Variants in DMD observed in about 807,000 individuals in gnomAD.
The protein encoded by DMD is dystrophin.
Under a neutral mutation model 330.1 loss-of-function variants are expected in DMD, and 63 were observed. The observed-to-expected ratio is 0.19, with a 90% CI of 0.16 to 0.24. DMD has a LOEUF of 0.24. DMD is among the 10% of genes least tolerant of loss of function. DMD has a pLI of 1.00. For missense variants in DMD, 3,344 were observed against 2,684.1 expected (o/e 1.25, Z -5.43); for synonymous variants, 1,223 against 959.8 (o/e 1.27, Z -5.07).
chrX:32,366,220 G>A (rs1457229087), intron 34 of DMD, among the ~76,000 whole-genome samples: 2 of 112,208 alleles, frequency 1.8e-5, no homozygotes, highest in Non-Finnish European at 3.8e-5. Context: ...CCCCTTTCCT[G>A]GTACATGGCA....
intron 2 of DMD, among the ~76,000 whole-genome samples, chrX:32,939,042 A>G (rs1246807343): frequency 9.1e-6 from 1 of 110,160 alleles, no homozygotes; most frequent in Admixed American, 9.8e-5. Flanking sequence ...TACGTTTTTC[A>G]TAATGTCTAC....
chrX:32,044,837 G>C (rs2096049748), intron 44 of DMD, among the ~76,000 whole-genome samples: 1 of 112,186 alleles, frequency 8.9e-6, no homozygotes, highest in Non-Finnish European at 1.9e-5. Flanking sequence ...ATTCAATAAA[G>C]AAAAATATAA....
At chrX:32,294,533 A>G (rs1300116434) in intron 42 of DMD, among the ~76,000 whole-genome samples, 5 of 112,032 alleles carry the variant, frequency 4.5e-5, no homozygotes, top group African/African-American at 1.3e-4. Flanking sequence ...ATGCTGTAGC[A>G]TTGCTCAGCA....
chrX:31,934,907 A>G (rs2094904550), intron 45 of DMD, among the ~76,000 whole-genome samples: 1 of 112,327 alleles, frequency 8.9e-6, no homozygotes, highest in Non-Finnish European at 1.9e-5. Context: ...AATTTTAATC[A>G]TTGACAATTC....
Position 31,470,760 on chromosome X carries a change from C to G in DMD, c.8937+7346G>C, listed in dbSNP as rs751403652. Among the ~76,000 whole-genome samples the G allele has an allele frequency of 2.7e-5, 3 of 112,170 alleles. No homozygotes were observed. The South Asian group carries it at 1.1e-3, about 42-fold the overall frequency. On this transcript the variant is annotated intron_variant, in intron 59 of 78. Transcript: ENST00000357033. Reference sequence around the variant, plus strand: ...GATGCTGCACCCACAGCTGCCCCTTCCCCGTGGTGCTCTGTCCCAGGGAGA... The same window carrying G: ...GATGCTGCACCCACAGCTGCCCCTTGCCCGTGGTGCTCTGTCCCAGGGAGA...
intron 7 of DMD, among the ~76,000 whole-genome samples, chrX:32,762,616 C>A (rs777177438): frequency 1.8e-5 from 2 of 110,959 alleles, no homozygotes; most frequent in South Asian, 3.8e-4. Context: ...TGAGACCTTT[C>A]GGCTCAGACT....
chrX:32,636,599 C>G (rs984319425), intron 11 of DMD, among the ~76,000 whole-genome samples: 2 of 111,668 alleles, frequency 1.8e-5, no homozygotes, highest in Non-Finnish European at 3.8e-5. Context: ...TTCAACTATC[C>G]GAGGCAACAT....
intron 1 of DMD, among the ~76,000 whole-genome samples, chrX:33,207,766 G>A (rs2051664919): frequency 8.9e-6 from 1 of 111,807 alleles, no homozygotes; most frequent in Non-Finnish European, 1.9e-5. Context: ...GGGAAAAGGT[G>A]AAGACTACAA....
intron 41 of DMD, among the ~76,000 whole-genome samples, chrX:32,337,919 G>A (rs1328467825): frequency 9.0e-6 from 1 of 110,798 alleles, no homozygotes; most frequent in Non-Finnish European, 1.9e-5. Context: ...GCTTTACATC[G>A]CTGTCTCCTT....
intron 44 of DMD, among the ~76,000 whole-genome samples, chrX:32,136,934 C>T (rs1433375102): frequency 9.0e-6 from 1 of 110,646 alleles, no homozygotes. Context: ...GGGTGCAGCG[C>T]ACCAGCATGG....
chrX:33,316,265 C>T (rs921225457), intron 1 of DMD, among the ~76,000 whole-genome samples: 4 of 110,436 alleles, frequency 3.6e-5, no homozygotes, highest in Non-Finnish European at 7.6e-5. Context: ...AATTCAATAT[C>T]AATATCTTTA....
At chrX:32,734,495 C>T (rs2068152414) in intron 7 of DMD, among the ~76,000 whole-genome samples, 1 of 107,629 alleles carries the variant, frequency 9.3e-6, no homozygotes, top group Admixed American at 9.9e-5. Context: ...CCTTGATGAA[C>T]ACTGATGCAA....
At chrX:32,542,302 G>A (rs1242345154) in intron 17 of DMD, among the ~76,000 whole-genome samples, 1 of 111,578 alleles carries the variant, frequency 9.0e-6, no homozygotes, top group African/African-American at 3.3e-5. Context: ...ATGTGGTGGA[G>A]GGTGCCTGTA....
intron 7 of DMD, among the ~76,000 whole-genome samples, chrX:32,778,568 G>A (rs2074402225): frequency 8.9e-6 from 1 of 112,087 alleles, no homozygotes; most frequent in Non-Finnish European, 1.9e-5. Context: ...AGTCTTATTA[G>A]ACTAAACTCA....
rs762416559 is a variant in DMD, at chrX:33,218,861, CCT to C, written c.7+120396_7+120397del. Among the ~76,000 whole-genome samples the C allele has an allele frequency of 1.4e-3, 159 of 111,435 alleles. 1 individual carries two copies. The highest frequency in any genetic ancestry group is 5.1e-3 in the African/African-American group (156 of 30,709). On this transcript the variant is annotated intron_variant, in intron 1 of 17. Coordinates refer to the DMD transcript ENST00000288447. The stretch of plus-strand genomic sequence containing the variant: ...CCTATCTTTCTGCACACAGATTTCC[CCT>C]GTCTCCTCACCTCCATTCTACTGTT...
intron 47 of DMD, among the ~76,000 whole-genome samples, chrX:31,920,245 G>T (rs1304722370): frequency 8.9e-6 from 1 of 111,805 alleles, no homozygotes; most frequent in Non-Finnish European, 1.9e-5. Context: ...TTCATTTTTG[G>T]TATGATTCTG....
At position 31,373,250 on chromosome X, in the gene DMD, A is replaced by T. The variant is rs1168742595; in HGVS notation, c.9085-24616T>A. On this transcript the variant is annotated intron_variant, in intron 60 of 78. Transcript: ENST00000357033. ...GTGAAAATGGCCATACTGCCCAAGG[A>T]AATTTATAGATTCAATGCCATCCCC... 6.5e-5 allele frequency among the ~76,000 whole-genome samples: 7 copies of T among 106,911 alleles called. No homozygotes were observed. In the East Asian group the frequency reaches 1.2e-3, roughly 18 times the overall value. 92.8% of individuals were successfully genotyped at this position (106,911 alleles called of 115,157 possible).
At chrX:32,640,774 T>C in intron 11 of DMD, among the ~76,000 whole-genome samples, 1 of 111,734 alleles carries the variant, frequency 8.9e-6, no homozygotes. Flanking sequence ...CTGTCCTCTC[T>C]TCCTCCAGTG....
At chrX:33,057,515 G>T (rs1165596736) in intron 1 of DMD, among the ~76,000 whole-genome samples, 3 of 112,237 alleles carry the variant, frequency 2.7e-5, no homozygotes, top group African/African-American at 9.7e-5. Context: ...TAAAATGTGT[G>T]TTCTATGGAG....
Sources: allele counts gnomAD v4.1 joint callset (sites outside exome capture counted in the v4.1 genomes callset), GRCh38; gene constraint gnomAD v4.1.1; transcripts MANE v1.5; gene names NCBI Gene and HGNC (gene_info 2026-07-23, HGNC 2026-07-21).